Variants in INTS14 observed in about 807,000 individuals in gnomAD.
INTS14 encodes UPF0464 protein C15orf44.
In INTS14, 27 loss-of-function variants were observed where a neutral mutation model predicts 56.9. The observed-to-expected ratio is 0.47, with a 90% CI of 0.35 to 0.65. The LOEUF is 0.65. Among genes scored for constraint, INTS14 ranks in the 30% least tolerant of loss-of-function variants. The probability of loss-of-function intolerance (pLI) is 0.00; values close to 1 mark genes in which losing one functional copy is unlikely to be tolerated. For synonymous variants in INTS14, 207 were observed against 236.2 expected, an observed-to-expected ratio of 0.88 and a Z score of 1.13; for missense variants, 517 against 632.2, an observed-to-expected ratio of 0.82 and a Z score of 1.95.
chr15:65,583,603 G>C (rs1027019057), intron 10 of INTS14, among the ~76,000 whole-genome samples: 1 of 152,204 alleles, frequency 6.6e-6, no homozygotes, highest in Non-Finnish European at 1.5e-5. Flanking sequence ...TGGAACTAGA[G>C]AGTGGTGATG....
intron 9 of INTS14, among the ~76,000 whole-genome samples, chr15:65,590,214 C>A (rs986431624): frequency 1.3e-5 from 2 of 152,216 alleles, no homozygotes; most frequent in Admixed American, 1.3e-4. Flanking sequence ...CTTTTCAGAT[C>A]CACACTCCAC....
intron 6 of INTS14, among the ~76,000 whole-genome samples, chr15:65,597,221 T>G (rs2073245638): frequency 6.6e-6 from 1 of 152,158 alleles, no homozygotes; most frequent in South Asian, 2.1e-4. Flanking sequence ...AAAAGACTGT[T>G]CACAGCCCCT....
At chr15:65,583,536 T>C (rs1321264077) in intron 10 of INTS14, among the ~76,000 whole-genome samples, 1 of 151,126 alleles carries the variant, frequency 6.6e-6, no homozygotes, top group Non-Finnish European at 1.5e-5. Context: ...GAAGAAGGAA[T>C]GTGGAGTGAC....
At chr15:65,605,781 T>G (rs1008025616) in intron 2 of INTS14, among the ~76,000 whole-genome samples, 15 of 152,166 alleles carry the variant, frequency 9.9e-5, no homozygotes, top group African/African-American at 3.6e-4. Context: ...TACGTCTCAC[T>G]CCTTATATAG....
rs370944927 is a variant in INTS14, at chr15:65,580,648, T to C, written c.1306-989A>G. 1.5e-3 allele frequency among the ~76,000 whole-genome samples: 230 copies of C among 152,340 alleles called. 4 individuals are homozygous for C. Among genetic ancestry groups the C allele is most frequent in the Non-Finnish European group, 1.6e-3 (107 of 68,030 alleles). On this transcript the variant is annotated intron_variant, in intron 11 of 11. Transcript: ENST00000313182. ...GAGATAACACCCAGACAAAGTAGCA[T>C]GTATCTTCTCTGGTTAAGATGCTAG...
rs1205157597 is a variant in INTS14 at position 65,599,780 on chromosome 15, C to T, written c.480G>A (p.Leu160=). ...ACTTAGCAAAAGGTATTACCTCCTC[C>T]AAATTCGCCATGCACATGATATATA... The part of the protein sequence containing the change: ...SKLYIMCMAN[L]EELQSTDSLE... The change falls in exon 4 of 12, where the codon TTG becomes TTA. Residue 160 remains leucine, a synonymous_variant. Coordinates refer to ENST00000313182, the MANE Select transcript of INTS14 (RefSeq NM_001394796.1). The T allele has an allele frequency of 6.2e-7, 1 of 1,613,338 alleles. No individual in the cohort carries two copies. Among genetic ancestry groups the T allele is most frequent in the Admixed American group, 1.7e-5 (1 of 59,740 alleles).
At chr15:65,596,759 G>A (rs188279718) in intron 6 of INTS14, among the ~76,000 whole-genome samples, 15 of 152,104 alleles carry the variant, frequency 9.9e-5, no homozygotes, top group Admixed American at 3.9e-4. Context: ...TAGTAGAAAC[G>A]GGGTTTCTCC....
intron 9 of INTS14, among the ~76,000 whole-genome samples, chr15:65,587,985 A>G (rs2072888901): frequency 6.6e-6 from 1 of 152,086 alleles, no homozygotes; most frequent in South Asian, 2.1e-4. Context: ...CAAAAAATAA[A>G]TAAAAAATAA....
intron 3 of INTS14, among the ~76,000 whole-genome samples, chr15:65,601,398 G>A (rs531091187): frequency 3.3e-5 from 5 of 151,940 alleles, no homozygotes; most frequent in East Asian, 3.9e-4. Flanking sequence ...GCTGGAGTGC[G>A]GTGGCGTGAT....
chr15:65,610,385 C>T (rs561129205), intron 1 of INTS14, among the ~76,000 whole-genome samples: 2 of 152,278 alleles, frequency 1.3e-5, no homozygotes, highest in South Asian at 2.1e-4. Flanking sequence ...CTGCCCACCA[C>T]AGTCTACCAA....
In INTS14 at chr15:65,607,444, T is replaced by C. The variant is rs2141332309; in HGVS notation, c.-62-2A>G. 2 of 1,589,944 alleles carry C rather than the reference T, an allele frequency of 1.3e-6. No individual in the cohort carries two copies. Among genetic ancestry groups the C allele is most frequent in the South Asian group, 2.3e-5 (2 of 88,538 alleles). On this transcript the variant is annotated splice_acceptor_variant, in intron 1 of 11. Transcript: ENST00000313182. LOFTEE classifies it low-confidence loss of function (5UTR_SPLICE). ...CAGACAGCTATAAACGAAGAAATGC[T>C]GCAGAAAATAAATACGTTCTTACAT...
chr15:65,581,547 C>CAAAAAAAAAAA (rs57782914), intron 11 of INTS14, among the ~76,000 whole-genome samples: 12 of 47,772 alleles, frequency 2.5e-4, no homozygotes, highest in African/African-American at 1.0e-3. Flanking sequence ...GACTCCATCT[C>CAAAAAAAAAAA]AAAAAAAAAA....
chr15:65,588,227 T>C (rs2141264132), intron 9 of INTS14, among the ~76,000 whole-genome samples: 1 of 152,056 alleles, frequency 6.6e-6, no homozygotes, highest in South Asian at 2.1e-4. Context: ...AGGCAGAGGT[T>C]GTAGTGAGCT....
chr15:65,601,925 C>G (rs1235508515), intron 3 of INTS14, among the ~76,000 whole-genome samples: 1 of 152,064 alleles, frequency 6.6e-6, no homozygotes, highest in Non-Finnish European at 1.5e-5. Context: ...TGTCTAAAAC[C>G]TTGGTTAAGG....
intron 3 of INTS14, among the ~76,000 whole-genome samples, chr15:65,602,558 T>G (rs2073477420): frequency 6.6e-6 from 1 of 152,174 alleles, no homozygotes; most frequent in Non-Finnish European, 1.5e-5. Context: ...GTGTTGGGAT[T>G]ACAGGCGTGA....
chr15:65,582,747 T>G (rs1295766160), intron 10 of INTS14, among the ~76,000 whole-genome samples: 1 of 152,062 alleles, frequency 6.6e-6, no homozygotes, highest in East Asian at 1.9e-4. Context: ...AAGGACACTA[T>G]AAAGAGAGTG....
chr15:65,605,646 T>C (rs918076881), intron 2 of INTS14, among the ~76,000 whole-genome samples: 5 of 152,258 alleles, frequency 3.3e-5, no homozygotes, highest in Non-Finnish European at 7.3e-5. Context: ...TTATTAACCC[T>C]ATCTTTAAAT....
chr15:65,597,330 C>T (rs1158263563), intron 6 of INTS14, among the ~76,000 whole-genome samples: 1 of 152,210 alleles, frequency 6.6e-6, no homozygotes, highest in Non-Finnish European at 1.5e-5. Context: ...ACCTATTGGG[C>T]ACCTACTAAG....
chr15:65,592,617 T>C (rs1201704389), intron 8 of INTS14, among the ~76,000 whole-genome samples: 2 of 152,244 alleles, frequency 1.3e-5, no homozygotes, highest in Non-Finnish European at 2.9e-5. Flanking sequence ...TCTCCTCATC[T>C]ATAGATAGGG....
Sources: allele counts gnomAD v4.1 joint callset (sites outside exome capture counted in the v4.1 genomes callset), GRCh38; gene constraint gnomAD v4.1.1; transcripts MANE v1.5; gene names NCBI Gene and HGNC (gene_info 2026-07-23, HGNC 2026-07-21).